The following COL5A2 variants were observed in gnomAD, a reference collection of about 807,000 sequenced individuals.
COL5A2 encodes collagen type V alpha 2 chain, also known as collagen alpha-2(V) chain.
COL5A2 carries 23 observed loss-of-function variants against 208.2 expected under a neutral mutation model. That is an observed-to-expected ratio of 0.11 (90% CI 0.08 to 0.16). The LOEUF (loss-of-function observed/expected upper bound fraction) is 0.16. Among genes scored for constraint, COL5A2 ranks in the 10% least tolerant of loss-of-function variants. The probability of loss-of-function intolerance (pLI) is 1.00; values close to 1 mark genes in which losing one functional copy is unlikely to be tolerated. For synonymous variants in COL5A2, 625 were observed against 628.5 expected (o/e 0.99, Z 0.08); for missense variants, 1,590 against 1,956.4 (o/e 0.81, Z 3.53).
At position 189,035,131 on chromosome 2, in the gene COL5A2, G is replaced by A. The variant is rs145755198; in HGVS notation, c.4138C>T (p.Pro1380Ser). The A allele has an allele frequency of 6.8e-6, 11 of 1,613,732 alleles. No individual in the cohort carries two copies. The highest frequency in any genetic ancestry group is 6.7e-5 in the African/African-American group (5 of 74,886). ...SQFAYGDHQS[P>S]NTAITQMTFL... ...GTCATCTGAGTAATGGCTGTATTAG[G>A]TGATTGGTGGTCTCCATAAGCGAAC... is the stretch of plus-strand genomic sequence containing the variant. Residue 1380 changes from proline (P) to serine (S), a missense_variant, in exon 53 of 54, where the codon CCT (proline) becomes TCT (serine). Physicochemically the swap from Pro to Ser is moderately conservative, Grantham distance 74. Transcript: ENST00000374866.
intron 1 of COL5A2, among the ~76,000 whole-genome samples, chr2:189,203,820 G>A (rs570930697): frequency 1.3e-5 from 2 of 151,998 alleles, no homozygotes; most frequent in Admixed American, 6.5e-5. Flanking sequence ...AGCAATGCTA[G>A]AAAATTATTG....
At chr2:189,195,661 C>G (rs575525406) in intron 1 of COL5A2, among the ~76,000 whole-genome samples, 1 of 152,090 alleles carries the variant, frequency 6.6e-6, no homozygotes, top group Non-Finnish European at 1.5e-5. Flanking sequence ...AATAACACCA[C>G]GTATCTACAG....
At chr2:189,192,256 T>A (rs1475065138) in intron 1 of COL5A2, among the ~76,000 whole-genome samples, 1 of 152,150 alleles carries the variant, frequency 6.6e-6, no homozygotes, top group Non-Finnish European at 1.5e-5. Flanking sequence ...GAATACCTAA[T>A]ATAATCAAAG....
At chr2:189,041,825 T>C (rs982262752) in intron 49 of COL5A2, 132 bp from the exon 50 acceptor site, 1 of 641,118 alleles carries the variant, frequency 1.6e-6, no homozygotes, top group Non-Finnish European at 2.8e-6. Context: ...TACTGATTAA[T>C]AAATGAACTT....
At chr2:189,339,459 A>G in the COL5A2 span, among the ~76,000 whole-genome samples, 2 of 152,082 alleles carry the variant, frequency 1.3e-5, no homozygotes, top group South Asian at 2.1e-4. Flanking sequence ...AGATCATCCA[A>G]CTCTGGATTT....
At chr2:189,122,478 G>A (rs1345294817) in intron 1 of COL5A2, among the ~76,000 whole-genome samples, 1 of 152,102 alleles carries the variant, frequency 6.6e-6, no homozygotes, top group Non-Finnish European at 1.5e-5. Context: ...AGGAGGTGAT[G>A]AGAATACTTG....
intron 2 of COL5A2, among the ~76,000 whole-genome samples, chr2:189,108,849 T>G (rs188519408): frequency 1.6e-3 from 245 of 152,074 alleles, no homozygotes; most frequent in Non-Finnish European, 1.8e-3. Context: ...ACTCTCCTTA[T>G]GATCCCTCAT....
At chr2:189,310,335 C>T in the COL5A2 span, among the ~76,000 whole-genome samples, 5,615 of 152,206 alleles carry the variant, frequency 0.037, 119 homozygotes, top group Admixed American at 0.05. Flanking sequence ...CACCACTGAT[C>T]ATCAGAGAAA....
At chr2:189,306,841 T>C in the COL5A2 span, among the ~76,000 whole-genome samples, 1 of 152,240 alleles carries the variant, frequency 6.6e-6, no homozygotes, top group Non-Finnish European at 1.5e-5. Context: ...AAAGTTTATT[T>C]CTTTGTATTA....
At chr2:189,056,477 C>T (rs1441622094) in intron 35 of COL5A2, among the ~76,000 whole-genome samples, 1 of 152,052 alleles carries the variant, frequency 6.6e-6, no homozygotes, top group Non-Finnish European at 1.5e-5. Flanking sequence ...TGCAGTTGAC[C>T]ATCCTTCTGG....
chr2:189,053,169 T>G, intron 38 of COL5A2, 151 bp from the exon 39 acceptor site: 1 of 760,106 alleles, frequency 1.3e-6, no homozygotes, highest in Non-Finnish European at 2.1e-6. Flanking sequence ...AAAAGTACTC[T>G]GATGAGATCT....
intron 17 of COL5A2, among the ~76,000 whole-genome samples, chr2:189,073,047 T>C (rs1056623935): frequency 6.6e-6 from 1 of 152,178 alleles, no homozygotes; most frequent in African/African-American, 2.4e-5. Flanking sequence ...TTCCTACTTA[T>C]GAGAAACAAG....
rs543911105 is a variant in COL5A2 at position 189,050,159 on chromosome 2, A to G, written c.3039+410T>C. 9.1e-4 allele frequency among the ~76,000 whole-genome samples: 138 copies of G among 152,284 alleles called. 1 individual carries two copies. Among genetic ancestry groups the G allele is most frequent in the African/African-American group, 3.1e-3 (128 of 41,562 alleles). ...CATTCCCCCTACATTCACCTCAAAT[A>G]TTACTTTAGCTCAACTATGTCTTCC... On this transcript the variant is annotated intron_variant, in intron 43 of 53. Transcript: ENST00000374866.
chr2:189,230,730 C>T, the COL5A2 span, among the ~76,000 whole-genome samples: 150,712 of 152,004 alleles, frequency 0.99, 74,729 homozygotes, highest in Middle Eastern at 1. Context: ...GGAACACTTA[C>T]GCACTGTTGG....
At chr2:189,348,180 T>C in the COL5A2 span, among the ~76,000 whole-genome samples, 2 of 152,196 alleles carry the variant, frequency 1.3e-5, no homozygotes, top group Non-Finnish European at 2.9e-5. Flanking sequence ...GACCCTCTGC[T>C]TCTTCCTTTT....
At chr2:189,291,115 T>C in the COL5A2 span, among the ~76,000 whole-genome samples, 1 of 152,118 alleles carries the variant, frequency 6.6e-6, no homozygotes. Context: ...GAACTGTCTT[T>C]TAAGGAAAGT....
intron 16 of COL5A2, among the ~76,000 whole-genome samples, chr2:189,077,899 G>A (rs1486248703): frequency 6.6e-6 from 1 of 152,172 alleles, no homozygotes; most frequent in African/African-American, 2.4e-5. Flanking sequence ...CCAAAGTAAT[G>A]AACTATAAGT....
intron 1 of COL5A2, among the ~76,000 whole-genome samples, chr2:189,207,730 C>T (rs1326754298): frequency 6.6e-6 from 1 of 152,140 alleles, no homozygotes; most frequent in Non-Finnish European, 1.5e-5. Context: ...AGCAATCACT[C>T]TACTGAAAAG....
At chr2:189,049,504 C>T (rs376351926) in intron 43 of COL5A2, 50 bp from the exon 44 acceptor site, 15 of 1,441,434 alleles carry the variant, frequency 1.0e-5, no homozygotes, top group Non-Finnish European at 1.5e-5. Context: ...TTGAAGAACG[C>T]TAGTTCCCAT....
Sources: gnomAD v4.1 joint callset for allele counts (sites outside exome capture counted in the v4.1 genomes callset) on GRCh38, gnomAD v4.1.1 for gene constraint, MANE v1.5 for transcripts, NCBI Gene and HGNC (gene_info 2026-07-23, HGNC 2026-07-21) for gene names.